FHIT: variants seen among roughly 807,000 people sequenced by gnomAD.
FHIT encodes bis(5'-adenosyl)-triphosphatase.
FHIT carries 19 observed loss-of-function variants against 17.9 expected under a neutral mutation model. The observed-to-expected ratio is 1.06, with a 90% CI of 0.74 to 1.56. FHIT has a LOEUF of 1.56. Ranked by LOEUF, FHIT falls within the 40% of genes most tolerant of loss-of-function variation. FHIT has a pLI of 0.00. For missense variants in FHIT, 248 were observed against 189.2 expected, an observed-to-expected ratio of 1.31 and a Z score of -1.82; for synonymous variants, 81 against 69.7, an observed-to-expected ratio of 1.16 and a Z score of -0.81.
intron 3 of FHIT, among the ~76,000 whole-genome samples, chr3:60,887,626 A>G (rs1314495193): frequency 2.0e-5 from 3 of 152,314 alleles, no homozygotes; most frequent in East Asian, 1.9e-4. Flanking sequence ...AGCCTGGGCA[A>G]CAAGAGTGAA....
chr3:59,980,315 T>G (rs898740195), intron 7 of FHIT, among the ~76,000 whole-genome samples: 2 of 152,208 alleles, frequency 1.3e-5, no homozygotes, highest in Non-Finnish European at 2.9e-5. Context: ...CAAGGATTCC[T>G]TGAACTCTTA....
At chr3:59,768,265 G>A (rs1453234622) in intron 8 of FHIT, among the ~76,000 whole-genome samples, 1 of 152,166 alleles carries the variant, frequency 6.6e-6, no homozygotes, top group Non-Finnish European at 1.5e-5. Context: ...GACATCAAAT[G>A]CTCTGGTCCT....
At chr3:60,453,491 G>A (rs893358581) in intron 5 of FHIT, among the ~76,000 whole-genome samples, 1 of 152,152 alleles carries the variant, frequency 6.6e-6, no homozygotes, top group Admixed American at 6.6e-5. Context: ...AGATAGATGT[G>A]GGAAGTCAAG....
chr3:59,998,273 G>A (rs976757786), intron 7 of FHIT, among the ~76,000 whole-genome samples: 1 of 152,140 alleles, frequency 6.6e-6, no homozygotes, highest in African/African-American at 2.4e-5. Flanking sequence ...AATGCCATGA[G>A]AGGCTTTTTT....
chr3:61,066,740 G>A (rs1382071004), intron 2 of FHIT, among the ~76,000 whole-genome samples: 2 of 152,194 alleles, frequency 1.3e-5, no homozygotes, highest in Non-Finnish European at 2.9e-5. Context: ...CTCCTAGTTA[G>A]TGTACCCCTG....
intron 1 of FHIT, among the ~76,000 whole-genome samples, chr3:61,211,974 C>G (rs1321525964): frequency 6.6e-6 from 1 of 152,178 alleles, no homozygotes; most frequent in African/African-American, 2.4e-5. Flanking sequence ...AACTAACAAA[C>G]AGAAAGGACA....
rs190357321 is a variant in FHIT at position 59,800,398 on chromosome 3, T to C, written c.349-48077A>G. Among the ~76,000 whole-genome samples, 4 of 152,314 alleles carry C rather than the reference T, an allele frequency of 2.6e-5. No individual in the cohort carries two copies. In the East Asian group the frequency reaches 5.8e-4, roughly 22 times the overall value. ...AAGTCTTCGCCTCACACCTGCTTTATGGTAAAAAGAAGCTATTGCAAATTT... is the reference window on the plus strand; with the variant it reads ...AAGTCTTCGCCTCACACCTGCTTTACGGTAAAAAGAAGCTATTGCAAATTT... On this transcript the variant is annotated intron_variant, in intron 8 of 9. Coordinates refer to ENST00000492590, the MANE Select transcript of FHIT (RefSeq NM_002012.4).
chr3:60,685,418 T>G (rs1553698145), intron 4 of FHIT, among the ~76,000 whole-genome samples: 1 of 152,156 alleles, frequency 6.6e-6, no homozygotes, highest in African/African-American at 2.4e-5. Flanking sequence ...GATACTAAAA[T>G]GGACGGGAGA....
At chr3:61,078,779 C>A (rs1175541146) in intron 2 of FHIT, among the ~76,000 whole-genome samples, 1 of 152,196 alleles carries the variant, frequency 6.6e-6, no homozygotes, top group South Asian at 2.1e-4. Context: ...ATAATCTGAA[C>A]AATATTAATA....
intron 4 of FHIT, among the ~76,000 whole-genome samples, chr3:60,707,088 CTA>C (rs1439585118): frequency 6.6e-6 from 1 of 152,142 alleles, no homozygotes; most frequent in African/African-American, 2.4e-5. Context: ...TGCAGTGTGA[CTA>C]TGACAAAATA....
chr3:59,802,181 A>G (rs1359362746), intron 8 of FHIT, among the ~76,000 whole-genome samples: 1 of 152,196 alleles, frequency 6.6e-6, no homozygotes, highest in Admixed American at 6.5e-5. Flanking sequence ...GTATTAAAAA[A>G]AAAAAATGTG....
chr3:59,872,247 C>A (rs1323341706), intron 8 of FHIT, among the ~76,000 whole-genome samples: 1 of 152,152 alleles, frequency 6.6e-6, no homozygotes, highest in African/African-American at 2.4e-5. Flanking sequence ...TAAAACATCA[C>A]CTCATGATTA....
rs574904431 is a variant in FHIT, at chr3:61,246,183, C to T, written c.-213+5118G>A. Reference sequence around the variant, plus strand: ...ATAATCCATGCCTTGTTTAGCATATCATCAAGAAATAACCATAAAAATGAG... The same window carrying T: ...ATAATCCATGCCTTGTTTAGCATATTATCAAGAAATAACCATAAAAATGAG... On this transcript the variant is annotated intron_variant, in intron 1 of 9. Coordinates refer to ENST00000492590, the MANE Select transcript of FHIT (RefSeq NM_002012.4). Among the ~76,000 whole-genome samples the T allele has an allele frequency of 5.9e-5, 9 of 152,306 alleles. No homozygotes were observed. The South Asian group carries it at 1.7e-3, about 28-fold the overall frequency.
At chr3:60,154,180 C>A (rs760481845) in intron 5 of FHIT, among the ~76,000 whole-genome samples, 1 of 152,228 alleles carries the variant, frequency 6.6e-6, no homozygotes, top group African/African-American at 2.4e-5. Flanking sequence ...CCATATCCTA[C>A]TGCTCAAAGT....
At chr3:59,952,566 C>T (rs1018997550) in intron 7 of FHIT, among the ~76,000 whole-genome samples, 2 of 152,180 alleles carry the variant, frequency 1.3e-5, no homozygotes, top group African/African-American at 4.8e-5. Context: ...GTCTATATGC[C>T]ACATTCCTGC....
chr3:59,919,138 G>T (rs1446423692), intron 8 of FHIT, among the ~76,000 whole-genome samples: 2 of 152,158 alleles, frequency 1.3e-5, no homozygotes, highest in East Asian at 3.8e-4. Flanking sequence ...GAAAATGGCG[G>T]TAATGATCAA....
chr3:60,318,400 T>C (rs113204304), intron 5 of FHIT, among the ~76,000 whole-genome samples: 26 of 152,318 alleles, frequency 1.7e-4, no homozygotes, highest in African/African-American at 5.3e-4. Context: ...ACAGCAAAAG[T>C]TGCAAAGAAA....
chr3:60,136,910 A>G (rs1699839597), intron 5 of FHIT, among the ~76,000 whole-genome samples: 1 of 152,212 alleles, frequency 6.6e-6, no homozygotes, highest in African/African-American at 2.4e-5. Context: ...GACATGGCAA[A>G]TAAAACCCAG....
At chr3:60,351,805 C>T (rs1199199178) in intron 5 of FHIT, among the ~76,000 whole-genome samples, 1 of 152,182 alleles carries the variant, frequency 6.6e-6, no homozygotes, top group Non-Finnish European at 1.5e-5. Flanking sequence ...ATCTTATTTC[C>T]TAACACAACA....
Sources: allele counts gnomAD v4.1 joint callset (sites outside exome capture counted in the v4.1 genomes callset), GRCh38; gene constraint gnomAD v4.1.1; transcripts MANE v1.5; gene names NCBI Gene and HGNC (gene_info 2026-07-23, HGNC 2026-07-21).